The following ERC2 variants were observed in gnomAD, a reference collection of about 807,000 sequenced individuals.
ERC2 encodes the protein ERC protein 2.
Under a neutral mutation model 114.8 loss-of-function variants are expected in ERC2, and 42 were observed. The observed-to-expected ratio is 0.37, with a 90% CI of 0.29 to 0.47. The LOEUF (loss-of-function observed/expected upper bound fraction) is 0.47, where lower values mean the gene tolerates loss of function less well. Among genes scored for constraint, ERC2 ranks in the 20% least tolerant of loss-of-function variants. The pLI, the probability that ERC2 is intolerant of heterozygous loss-of-function variation, is 0.99. For missense variants in ERC2, 939 were observed against 1,150.7 expected (o/e 0.82, Z 2.66); for synonymous variants, 454 against 425.5 (o/e 1.07, Z -0.82).
chr3:56,388,713 C>G (rs770237626), intron 2 of ERC2, among the ~76,000 whole-genome samples: 1 of 152,118 alleles, frequency 6.6e-6, no homozygotes, highest in Non-Finnish European at 1.5e-5. Flanking sequence ...CCACACTGTA[C>G]TTTTGGTCTG....
intron 3 of ERC2, among the ~76,000 whole-genome samples, chr3:56,252,463 G>A (rs752775117): frequency 2.3e-4 from 35 of 152,020 alleles, no homozygotes; most frequent in Non-Finnish European, 4.6e-4. Flanking sequence ...GCTTTAACAG[G>A]GGCATGCCTG....
intron 4 of ERC2, among the ~76,000 whole-genome samples, chr3:56,170,410 A>C (rs372240395): frequency 6.6e-6 from 1 of 152,158 alleles, no homozygotes; most frequent in East Asian, 1.9e-4. Flanking sequence ...GGATCTAAAT[A>C]GTGCTTGAAT....
chr3:55,549,476 C>T (rs1210134804), intron 17 of ERC2, among the ~76,000 whole-genome samples: 2 of 107,642 alleles, frequency 1.9e-5, no homozygotes, highest in Non-Finnish European at 3.9e-5. Flanking sequence ...TGCCGCCTTA[C>T]CTTTTTTTTT....
chr3:56,047,011 G>A (rs190200284), intron 7 of ERC2, among the ~76,000 whole-genome samples: 1 of 152,296 alleles, frequency 6.6e-6, no homozygotes, highest in East Asian at 1.9e-4. Flanking sequence ...AGTCTCATCT[G>A]CTAGCCTGAC....
chr3:56,130,739 C>T (rs998132355), intron 6 of ERC2, among the ~76,000 whole-genome samples: 1 of 152,282 alleles, frequency 6.6e-6, no homozygotes, highest in South Asian at 2.1e-4. Flanking sequence ...CATCACAGGT[C>T]TTTCATGTTC....
rs2051927600 is a variant in ERC2, at chr3:55,509,083, T to C, written c.*2233A>G. ...GAAAGGTTGTTATGTTAGAGAGAAT[T>C]TAATTTTTAAGGGACTAAATTATAC... On this transcript the variant is annotated 3_prime_UTR_variant, in exon 18 of 18. Coordinates refer to ENST00000288221, the MANE Select transcript of ERC2 (RefSeq NM_015576.3). The C allele has an allele frequency of 6.6e-6, 1 of 152,652 alleles. No individual in the cohort carries two copies. Among genetic ancestry groups the C allele is most frequent in the African/African-American group, 2.4e-5 (1 of 41,458 alleles). 9.5% of individuals were successfully genotyped at this position (152,652 alleles called of 1,614,324 possible).
intron 14 of ERC2, among the ~76,000 whole-genome samples, chr3:55,824,193 G>C (rs1384617557): frequency 2.0e-5 from 3 of 152,156 alleles, no homozygotes; most frequent in Non-Finnish European, 4.4e-5. Context: ...GAGAGACCAG[G>C]ATTTGGGCCT....
At chr3:55,607,461 C>G (rs2148550651) in intron 17 of ERC2, among the ~76,000 whole-genome samples, 1 of 152,246 alleles carries the variant, frequency 6.6e-6, no homozygotes, top group Non-Finnish European at 1.5e-5. Flanking sequence ...CATTCTGCAG[C>G]CTGTAATCCT....
At position 56,315,167 on chromosome 3, in the gene ERC2, T is replaced by A. The variant is rs184673919; in HGVS notation, c.658-18732A>T. The stretch of plus-strand genomic sequence containing the variant: ...AGATGAAGTAACTCCTCTCTCTGAA[T>A]GACTTACTAAAGAACACCTTTAAGG... On this transcript the variant is annotated intron_variant, in intron 2 of 17. Coordinates refer to ENST00000288221, the MANE Select transcript of ERC2 (RefSeq NM_015576.3). 2.6e-5 allele frequency among the ~76,000 whole-genome samples: 4 copies of A among 152,336 alleles called. No individual in the cohort carries two copies. The East Asian group carries it at 7.7e-4, about 29-fold the overall frequency.
intron 7 of ERC2, among the ~76,000 whole-genome samples, chr3:56,049,967 G>T (rs911858293): frequency 6.6e-6 from 1 of 152,044 alleles, no homozygotes; most frequent in Non-Finnish European, 1.5e-5. Context: ...GACCCAGAAG[G>T]CTACATATCT....
At chr3:56,158,545 T>A (rs2081866899) in intron 4 of ERC2, among the ~76,000 whole-genome samples, 1 of 152,172 alleles carries the variant, frequency 6.6e-6, no homozygotes, top group South Asian at 2.1e-4. Context: ...TCCTCTATTA[T>A]GTGCCAGGAT....
At chr3:56,026,481 A>C (rs59576102) in intron 7 of ERC2, among the ~76,000 whole-genome samples, 20,669 of 152,174 alleles carry the variant, frequency 0.14, 1,675 homozygotes, top group South Asian at 0.22. Context: ...CCAGTCAAAA[A>C]GCAGCCTCAC....
In ERC2 at chr3:56,277,985, A is replaced by C. The variant is rs2150313827; in HGVS notation, c.1074+18034T>G. On this transcript the variant is annotated intron_variant, in intron 3 of 17. Transcript: ENST00000288221. The stretch of plus-strand genomic sequence containing the variant: ...TGACTTCCTGTAAGGCCTTAGGCAG[A>C]GTAATCCCCTTCCTGTGACTCCATT... Among the ~76,000 whole-genome samples, 2 of 152,274 alleles carry C rather than the reference A, an allele frequency of 1.3e-5. 1 individual carries two copies. The highest frequency in any genetic ancestry group is 4.2e-4 in the South Asian group (2 of 4,810).
chr3:56,328,846 C>T (rs886681661), intron 2 of ERC2, among the ~76,000 whole-genome samples: 11 of 152,082 alleles, frequency 7.2e-5, no homozygotes, highest in South Asian at 2.1e-4. Context: ...AATTGAAAAA[C>T]GGCAAGAGAC....
intron 14 of ERC2, among the ~76,000 whole-genome samples, chr3:55,822,983 C>T (rs1033015033): frequency 6.6e-6 from 1 of 152,132 alleles, no homozygotes. Context: ...TTTCTTCATT[C>T]GCCAATCACA....
intron 17 of ERC2, among the ~76,000 whole-genome samples, chr3:55,531,953 G>A (rs978530405): frequency 6.6e-6 from 1 of 152,174 alleles, no homozygotes; most frequent in Non-Finnish European, 1.5e-5. Context: ...TAAAAAGACT[G>A]GCAAATAAAA....
intron 4 of ERC2, among the ~76,000 whole-genome samples, chr3:56,164,479 T>G (rs1470787825): frequency 2.0e-5 from 3 of 152,138 alleles, no homozygotes; most frequent in African/African-American, 7.2e-5. Context: ...TGCCATATTT[T>G]GTTTCTTCAT....
intron 2 of ERC2, among the ~76,000 whole-genome samples, chr3:56,364,790 C>T (rs1446659387): frequency 6.6e-6 from 1 of 152,198 alleles, no homozygotes; most frequent in East Asian, 1.9e-4. Context: ...GGGCTCATAA[C>T]ACATGGTGGT....
chr3:56,108,582 TA>T (rs1381017839), intron 6 of ERC2, among the ~76,000 whole-genome samples: 2 of 152,102 alleles, frequency 1.3e-5, no homozygotes, highest in African/African-American at 2.4e-5. Context: ...ATAAGCATCA[TA>T]AAAACACTGA....
Sources: allele counts gnomAD v4.1 joint callset (sites outside exome capture counted in the v4.1 genomes callset), GRCh38; gene constraint gnomAD v4.1.1; transcripts MANE v1.5; gene names NCBI Gene and HGNC (gene_info 2026-07-23, HGNC 2026-07-21).